The following TLN2 variants were observed in gnomAD, a reference collection of about 807,000 sequenced individuals.
The protein encoded by TLN2 is talin-2.
Under a neutral mutation model 294.7 loss-of-function variants are expected in TLN2, and 118 were observed. That is an observed-to-expected ratio of 0.40 (90% CI 0.34 to 0.47). The LOEUF (loss-of-function observed/expected upper bound fraction) is 0.47. Ranked by LOEUF, TLN2 falls within the 20% of genes least tolerant of loss-of-function variation. TLN2 has a pLI of 0.84. For missense variants in TLN2, 3,083 were observed against 3,282.2 expected (o/e 0.94, Z 1.48); for synonymous variants, 1,431 against 1,304.5 (o/e 1.10, Z -2.09).
At chr15:62,819,364 A>C in intron 52 of TLN2, 152 bp from the exon 53 acceptor site, 1 of 635,490 alleles carries the variant, frequency 1.6e-6, no homozygotes, top group South Asian at 1.9e-5. Context: ...GTGAGTCGTA[A>C]GGGTTTTCCA....
In TLN2 at chr15:62,546,863, A is replaced by T. The variant is rs151058645; in HGVS notation, c.-237-42824A>T. On this transcript the variant is annotated intron_variant, in intron 1 of 58. Transcript: ENST00000636159. ...ACAAATCTCCTGGTAGTAATGTGAG[A>T]TGCAGAGGCCATGAGGAGGCATGCT... Among the ~76,000 whole-genome samples, 14 of 152,334 alleles carry T rather than the reference A, an allele frequency of 9.2e-5. 1 individual carries two copies. In the East Asian group the frequency reaches 2.7e-3, roughly 29 times the overall value.
At chr15:62,522,076 A>G (rs1194769150) in intron 1 of TLN2, among the ~76,000 whole-genome samples, 1 of 152,030 alleles carries the variant, frequency 6.6e-6, no homozygotes, top group African/African-American at 2.4e-5. Context: ...GTTTTTTCAG[A>G]CTTCTCTGGC....
chr15:62,577,788 C>T (rs1045644622), intron 1 of TLN2, among the ~76,000 whole-genome samples: 2 of 152,126 alleles, frequency 1.3e-5, no homozygotes, highest in Admixed American at 6.5e-5. Context: ...TGGTTTGCTG[C>T]ACCCATCAAC....
At chr15:62,413,630 A>G (rs911694825) in intron 1 of TLN2, among the ~76,000 whole-genome samples, 4 of 152,202 alleles carry the variant, frequency 2.6e-5, no homozygotes, top group South Asian at 2.1e-4. Flanking sequence ...TTTATATGCT[A>G]TTGCCAAGGT....
chr15:62,748,367 A>G lies in TLN2; in HGVS notation c.4042A>G (p.Ile1348Val). The change falls in exon 33 of 59, where the codon ATC becomes GTC. Residue 1348 changes from isoleucine to valine, a missense_variant. Physicochemically the swap from Ile to Val is conservative, Grantham distance 29. Coordinates refer to ENST00000636159, the MANE Select transcript of TLN2 (RefSeq NM_015059.3). The part of the protein sequence containing the change: ...AAAARAVTES[I>V]NQLITLCTQQ... ...CTGTCACAGAGCTGTGACAGAGAGCATCAATCAACTCATCACTCTGTGTAC... is the reference window on the plus strand; with the variant it reads ...CTGTCACAGAGCTGTGACAGAGAGCGTCAATCAACTCATCACTCTGTGTAC... 6.2e-7 allele frequency: 1 copy of G among 1,612,530 alleles called. No individual in the cohort carries two copies. The highest frequency in any genetic ancestry group is 8.5e-7 in the Non-Finnish European group (1 of 1,179,692).
chr15:62,636,060 G>C (rs1475398634), intron 3 of TLN2, among the ~76,000 whole-genome samples: 2 of 152,100 alleles, frequency 1.3e-5, no homozygotes, highest in Admixed American at 1.3e-4. Flanking sequence ...AAAGGGCTTA[G>C]CATCAGTGCC....
chr15:62,708,825 T>A, intron 21 of TLN2, 29 bp downstream of exon 21: 1 of 1,576,570 alleles, frequency 6.3e-7, no homozygotes, highest in Non-Finnish European at 8.6e-7. Context: ...GGTGGGTGGA[T>A]GGGTGGCTTT....
chr15:62,448,327 G>A (rs1396781959), intron 1 of TLN2, among the ~76,000 whole-genome samples: 1 of 152,186 alleles, frequency 6.6e-6, no homozygotes, highest in Non-Finnish European at 1.5e-5. Flanking sequence ...ACAGAGTTAG[G>A]TAGCAGTTAT....
chr15:62,743,744 A>G (rs901551660), intron 32 of TLN2, among the ~76,000 whole-genome samples: 6 of 152,076 alleles, frequency 3.9e-5, no homozygotes, highest in African/African-American at 1.4e-4. Flanking sequence ...CTACCTCTGA[A>G]CACCTTCCCT....
At chr15:62,674,893 A>G (rs1011351894) in intron 10 of TLN2, among the ~76,000 whole-genome samples, 2 of 152,192 alleles carry the variant, frequency 1.3e-5, no homozygotes, top group African/African-American at 4.8e-5. Flanking sequence ...ACCATTTGGG[A>G]CGTGGAGTCC....
intron 1 of TLN2, among the ~76,000 whole-genome samples, chr15:62,467,820 G>A (rs1194620731): frequency 6.6e-6 from 1 of 152,210 alleles, no homozygotes; most frequent in African/African-American, 2.4e-5. Context: ...CTTCCCTAGT[G>A]TCAGGTGGCC....
At chr15:62,545,228 G>A (rs1596075918) in intron 1 of TLN2, among the ~76,000 whole-genome samples, 2 of 152,120 alleles carry the variant, frequency 1.3e-5, no homozygotes, top group African/African-American at 2.4e-5. Flanking sequence ...GTGAGCCACC[G>A]CACCCGGCTG....
intron 1 of TLN2, among the ~76,000 whole-genome samples, chr15:62,477,913 C>A (rs2037867263): frequency 3.8e-5 from 1 of 26,552 alleles, no homozygotes; most frequent in South Asian, 9.2e-4. Flanking sequence ...GGGGGGGGTG[C>A]AGCGGGGGCA....
rs548173896 is a variant in TLN2 at position 62,843,568 on chromosome 15, G to C, written c.*2958G>C. 7.9e-5 allele frequency: 12 copies of C among 152,396 alleles called. No homozygotes were observed. Among genetic ancestry groups the C allele is most frequent in the African/African-American group, 2.6e-4 (11 of 41,584 alleles). 9.4% of individuals were successfully genotyped at this position (152,396 alleles called of 1,614,324 possible). On this transcript the variant is annotated 3_prime_UTR_variant, in exon 59 of 59. Coordinates refer to ENST00000636159, the MANE Select transcript of TLN2 (RefSeq NM_015059.3). ...ATGCACGGGCCTTAAGAAATGAGCT[G>C]CCTGTAGCCTCACGGCATATGCTTT...
chr15:62,394,288 A>G (rs1046393058), intron 1 of TLN2, among the ~76,000 whole-genome samples: 1 of 152,154 alleles, frequency 6.6e-6, no homozygotes, highest in African/African-American at 2.4e-5. Context: ...CTGTGACATT[A>G]TTGCTCCAGA....
intron 1 of TLN2, among the ~76,000 whole-genome samples, chr15:62,543,251 C>G (rs375863342): frequency 7.2e-5 from 11 of 152,204 alleles, no homozygotes; most frequent in African/African-American, 2.7e-4. Flanking sequence ...TTGCCCACAT[C>G]ATCAAATTGT....
chr15:62,421,977 C>T (rs928893348), intron 1 of TLN2, among the ~76,000 whole-genome samples: 7 of 151,886 alleles, frequency 4.6e-5, no homozygotes, highest in African/African-American at 9.7e-5. Flanking sequence ...ACTTGCCTAT[C>T]GGGCCAGGTG....
intron 1 of TLN2, among the ~76,000 whole-genome samples, chr15:62,586,584 A>G (rs1032693177): frequency 1.5e-4 from 23 of 152,224 alleles, no homozygotes; most frequent in African/African-American, 5.1e-4. Flanking sequence ...AGTTAACGTT[A>G]TGGGCCCATT....
chr15:62,785,453 G>C (rs1157789092), intron 45 of TLN2, among the ~76,000 whole-genome samples: 2 of 151,984 alleles, frequency 1.3e-5, no homozygotes, highest in African/African-American at 2.4e-5. Flanking sequence ...CTTGAGGTTA[G>C]GAGTTCAAGA....
Sources: gnomAD v4.1 joint callset for allele counts (sites outside exome capture counted in the v4.1 genomes callset) on GRCh38, gnomAD v4.1.1 for gene constraint, MANE v1.5 for transcripts, NCBI Gene and HGNC (gene_info 2026-07-23, HGNC 2026-07-21) for gene names.